Variants in CLSTN2 observed in about 807,000 individuals in gnomAD.
CLSTN2 encodes the protein calsyntenin-2.
Under a neutral mutation model 101.2 loss-of-function variants are expected in CLSTN2, and 48 were observed. The observed-to-expected ratio is 0.47, with a 90% CI of 0.38 to 0.60. The LOEUF (loss-of-function observed/expected upper bound fraction) is 0.60, where lower values mean the gene tolerates loss of function less well. Ranked by LOEUF, CLSTN2 falls within the 20% of genes least tolerant of loss-of-function variation. The pLI is 0.00. For synonymous variants in CLSTN2, 481 were observed against 463.6 expected (o/e 1.04, Z -0.48); for missense variants, 1,160 against 1,238.2 (o/e 0.94, Z 0.95).
At chr3:140,298,380 G>A (rs1210796471) in intron 2 of CLSTN2, among the ~76,000 whole-genome samples, 1 of 152,186 alleles carries the variant, frequency 6.6e-6, no homozygotes, top group African/African-American at 2.4e-5. Context: ...GTGTCCATTA[G>A]ACCGGAAGGA....
intron 1 of CLSTN2, among the ~76,000 whole-genome samples, chr3:139,985,137 C>G (rs1341302762): frequency 6.6e-6 from 1 of 152,190 alleles, no homozygotes; most frequent in African/African-American, 2.4e-5. Context: ...ACAATTCACT[C>G]TCCGTAGGCA....
chr3:140,291,442 A>T (rs1039637202), intron 2 of CLSTN2, among the ~76,000 whole-genome samples: 13 of 150,194 alleles, frequency 8.7e-5, no homozygotes, highest in African/African-American at 3.2e-4. Flanking sequence ...AGCAATGCTG[A>T]CTGCCCCTCC....
At chr3:140,331,098 C>T (rs537649066) in intron 2 of CLSTN2, among the ~76,000 whole-genome samples, 1 of 152,286 alleles carries the variant, frequency 6.6e-6, no homozygotes, top group East Asian at 1.9e-4. Flanking sequence ...AGGAAGCCAA[C>T]AGTGCAGCCC....
At chr3:139,999,806 T>C (rs2107746935) in intron 1 of CLSTN2, among the ~76,000 whole-genome samples, 1 of 152,216 alleles carries the variant, frequency 6.6e-6, no homozygotes, top group East Asian at 1.9e-4. Context: ...ATTATATGTA[T>C]GGTCTAGGCA....
At chr3:140,366,200 C>T (rs1576534524) in intron 2 of CLSTN2, among the ~76,000 whole-genome samples, 1 of 152,312 alleles carries the variant, frequency 6.6e-6, no homozygotes, top group African/African-American at 2.4e-5. Context: ...CACCCCTCAC[C>T]TCCCCTCCCC....
chr3:140,049,320 G>GT (rs146044375), intron 1 of CLSTN2, among the ~76,000 whole-genome samples: 1 of 152,090 alleles, frequency 6.6e-6, no homozygotes, highest in Non-Finnish European at 1.5e-5. Context: ...TTTAAGGAGA[G>GT]TTTTTCTAAC....
chr3:140,337,210 G>A (rs1365289813), intron 2 of CLSTN2, among the ~76,000 whole-genome samples: 2 of 152,330 alleles, frequency 1.3e-5, no homozygotes, highest in Non-Finnish European at 2.9e-5. Flanking sequence ...AAACTGGTTA[G>A]CTTCCACTAC....
chr3:140,227,955 C>A (rs892816646), intron 2 of CLSTN2, among the ~76,000 whole-genome samples: 1 of 152,204 alleles, frequency 6.6e-6, no homozygotes, highest in Non-Finnish European at 1.5e-5. Context: ...TCCTCCTAAA[C>A]CTCCAGGCTG....
intron 1 of CLSTN2, among the ~76,000 whole-genome samples, chr3:140,054,186 C>T (rs545015312): frequency 1.3e-5 from 2 of 152,220 alleles, no homozygotes; most frequent in Admixed American, 1.3e-4. Flanking sequence ...TGAACTAGGA[C>T]TTCAAGAATG....
intron 2 of CLSTN2, among the ~76,000 whole-genome samples, chr3:140,356,528 G>C (rs935637407): frequency 6.6e-6 from 1 of 152,096 alleles, no homozygotes; most frequent in South Asian, 2.1e-4. Flanking sequence ...GGGAGGCCAA[G>C]GTGGGCAGAT....
At chr3:140,323,157 C>G (rs150763068) in intron 2 of CLSTN2, among the ~76,000 whole-genome samples, 1 of 152,160 alleles carries the variant, frequency 6.6e-6, no homozygotes, top group East Asian at 1.9e-4. Context: ...AGCAGGCCTC[C>G]CCAGCAGTGG....
chr3:140,516,265 G>A (rs191834191), intron 8 of CLSTN2, among the ~76,000 whole-genome samples: 1 of 152,252 alleles, frequency 6.6e-6, no homozygotes, highest in Admixed American at 6.5e-5. Flanking sequence ...CAGCTACTTG[G>A]TTGGTGAATT....
intron 2 of CLSTN2, among the ~76,000 whole-genome samples, chr3:140,227,316 G>A (rs977482178): frequency 6.6e-6 from 1 of 152,194 alleles, no homozygotes; most frequent in Non-Finnish European, 1.5e-5. Context: ...AATCCAGCAG[G>A]GCAGTCAAAT....
In CLSTN2 at chr3:140,311,287, C is replaced by CTTTTTT. The variant is rs750088450; in HGVS notation, c.233-92311_233-92306dup. Among the ~76,000 whole-genome samples the CTTTTTT allele has an allele frequency of 3.3e-4, 17 of 52,080 alleles. 4 individuals carry two copies. Among genetic ancestry groups the CTTTTTT allele is most frequent in the African/African-American group, 1.2e-3 (13 of 10,624 alleles). The allele number at this position is 52,080 out of a possible 152,430, so 34.2% of individuals were successfully genotyped here. ...ATAATAACAGCTAAGGTTTATTATC[C>CTTTTTT]TTTTTTTTTTTTTTTTTTTTTTTTT... On this transcript the variant is annotated intron_variant, in intron 2 of 16. Coordinates refer to ENST00000458420, the MANE Select transcript of CLSTN2 (RefSeq NM_022131.3).
intron 1 of CLSTN2, among the ~76,000 whole-genome samples, chr3:140,096,942 G>T (rs2008879004): frequency 6.6e-6 from 1 of 152,122 alleles, no homozygotes; most frequent in African/African-American, 2.4e-5. Context: ...TCTAGTTCTT[G>T]CTCTGCCATT....
At chr3:140,095,472 T>G (rs2008854392) in intron 1 of CLSTN2, among the ~76,000 whole-genome samples, 1 of 152,232 alleles carries the variant, frequency 6.6e-6, no homozygotes, top group Middle Eastern at 3.2e-3. Context: ...TATATGAATG[T>G]TTAACCCAGG....
chr3:140,556,637 G>T lies in CLSTN2; in HGVS notation c.1799G>T (p.Arg600Leu). Reference sequence around the variant, plus strand: ...CAGTTCCCAACGGCGGGTGTGCGGCGCCTCAAAGTATCCTCCAAAGTCCAG... The same window carrying T: ...CAGTTCCCAACGGCGGGTGTGCGGCTCCTCAAAGTATCCTCCAAAGTCCAG... ...SRQFPTAGVRRLKVSSKVQCF... is the reference protein window; with the variant it reads ...SRQFPTAGVRLLKVSSKVQCF... The change falls in exon 11 of 17, where the codon CGC becomes CTC. Residue 600 changes from arginine to leucine, a missense_variant. Coordinates refer to ENST00000458420, the MANE Select transcript of CLSTN2 (RefSeq NM_022131.3). 6.2e-7 allele frequency: 1 copy of T among 1,613,874 alleles called. No individual in the cohort carries two copies. The highest frequency in any genetic ancestry group is 8.5e-7 in the Non-Finnish European group (1 of 1,179,904).
chr3:140,052,639 G>T (rs1344893126), intron 1 of CLSTN2, among the ~76,000 whole-genome samples: 1 of 152,204 alleles, frequency 6.6e-6, no homozygotes, highest in African/African-American at 2.4e-5. Flanking sequence ...CACAAAGTCG[G>T]ATTGGAAATG....
intron 1 of CLSTN2, among the ~76,000 whole-genome samples, chr3:140,043,582 G>C (rs2007805280): frequency 6.6e-6 from 1 of 152,132 alleles, no homozygotes; most frequent in South Asian, 2.1e-4. Flanking sequence ...TGGTGTTTTA[G>C]ACATTAAGAT....
Sources: allele counts gnomAD v4.1 joint callset (sites outside exome capture counted in the v4.1 genomes callset), GRCh38; gene constraint gnomAD v4.1.1; transcripts MANE v1.5; gene names NCBI Gene and HGNC (gene_info 2026-07-23, HGNC 2026-07-21).